Variants in SYN2 observed in about 807,000 individuals in gnomAD.
SYN2 encodes the protein synapsin-2.
SYN2 carries 19 observed loss-of-function variants against 50.9 expected under a neutral mutation model. That is an observed-to-expected ratio of 0.37 (90% CI 0.26 to 0.55). The LOEUF (loss-of-function observed/expected upper bound fraction) is 0.55, where lower values mean the gene tolerates loss of function less well. SYN2 is among the 20% of genes least tolerant of loss of function. The pLI, the probability that SYN2 is intolerant of heterozygous loss-of-function variation, is 0.81. For synonymous variants in SYN2, 255 were observed against 224.9 expected (o/e 1.13, Z -1.20); for missense variants, 587 against 576.4 (o/e 1.02, Z -0.19).
At chr3:12,119,747 C>T (rs1423782773) in intron 1 of SYN2, among the ~76,000 whole-genome samples, 1 of 152,136 alleles carries the variant, frequency 6.6e-6, no homozygotes, top group Non-Finnish European at 1.5e-5. Flanking sequence ...GGAAGCTTTG[C>T]TCCTTAGCTG....
intron 1 of SYN2, among the ~76,000 whole-genome samples, chr3:12,137,333 A>G (rs1169968442): frequency 6.6e-6 from 1 of 151,938 alleles, no homozygotes; most frequent in Non-Finnish European, 1.5e-5. Context: ...TAAGGGAAGT[A>G]GAGTAGTTTT....
At chr3:12,153,568 A>G in intron 5 of SYN2, 2 of 1,614,094 alleles carry the variant, frequency 1.2e-6, no homozygotes, top group Non-Finnish European at 1.7e-6. Context: ...TGGCCCCGGT[A>G]CCAGCTGCAG....
intron 1 of SYN2, among the ~76,000 whole-genome samples, chr3:12,044,551 G>A (rs1449122435): frequency 6.6e-6 from 1 of 152,110 alleles, no homozygotes; most frequent in East Asian, 1.9e-4. Flanking sequence ...ATCTGATGAA[G>A]ACATTTGATG....
At chr3:12,017,065 T>C (rs1313198950) in intron 1 of SYN2, among the ~76,000 whole-genome samples, 1 of 152,066 alleles carries the variant, frequency 6.6e-6, no homozygotes, top group Non-Finnish European at 1.5e-5. Context: ...TGGGTTTTGA[T>C]GGAAGAATGG....
chr3:12,037,959 A>G (rs143782680), intron 1 of SYN2, among the ~76,000 whole-genome samples: 1 of 152,102 alleles, frequency 6.6e-6, no homozygotes, highest in Admixed American at 6.5e-5. Flanking sequence ...TTTTTTGTGT[A>G]TATCTAAAGA....
Position 12,153,756 on chromosome 3 carries a change from T to C in SYN2, c.774+2430T>C, listed in dbSNP as rs746613266. 1.1e-5 allele frequency: 17 copies of C among 1,601,540 alleles called. No homozygotes were observed. The East Asian group carries it at 2.5e-4, about 23-fold the overall frequency. On this transcript the variant is annotated intron_variant, in intron 5 of 12. Coordinates refer to ENST00000621198, the MANE Select transcript of SYN2 (RefSeq NM_133625.6). Reference sequence around the variant, plus strand: ...AACATTAAAGTGAGTAGGGTGTCCTTCTTTTTCCATTGCTGCCTTTCAGAT... The same window carrying C: ...AACATTAAAGTGAGTAGGGTGTCCTCCTTTTTCCATTGCTGCCTTTCAGAT...
rs145384634 is a variant in SYN2, at chr3:12,088,995, C to T, written c.378-51656C>T. 3.2e-3 allele frequency among the ~76,000 whole-genome samples: 486 copies of T among 152,172 alleles called. 1 individual carries two copies. Among genetic ancestry groups the T allele is most frequent in the Admixed American group, 6.7e-3 (102 of 15,290 alleles). On this transcript the variant is annotated intron_variant, in intron 1 of 12. Transcript: ENST00000621198. Reference sequence around the variant, plus strand: ...ACCATAGTTAATGATGTATTGTCTACCTCAAAATTGCTAAAAGAATAGATT... The same window carrying T: ...ACCATAGTTAATGATGTATTGTCTATCTCAAAATTGCTAAAAGAATAGATT...
chr3:12,167,386 C>T (rs1224789708), intron 8 of SYN2, 78 bp downstream of exon 8: 4 of 1,459,792 alleles, frequency 2.7e-6, no homozygotes, highest in Admixed American at 2.0e-5. Flanking sequence ...AGGAATTAAG[C>T]TCTGTCCAAA....
At chr3:12,033,512 C>T (rs1032118821) in intron 1 of SYN2, among the ~76,000 whole-genome samples, 1 of 152,036 alleles carries the variant, frequency 6.6e-6, no homozygotes, top group East Asian at 1.9e-4. Flanking sequence ...TCTCTTTTTT[C>T]CCAAATTGAG....
intron 1 of SYN2, among the ~76,000 whole-genome samples, chr3:12,133,226 A>T (rs1696829667): frequency 1.3e-5 from 2 of 152,260 alleles, no homozygotes; most frequent in South Asian, 4.1e-4. Context: ...ATTAATATCA[A>T]GGACCAGCCA....
intron 1 of SYN2, among the ~76,000 whole-genome samples, chr3:12,138,944 A>C (rs1354796452): frequency 6.6e-6 from 1 of 152,208 alleles, no homozygotes; most frequent in Non-Finnish European, 1.5e-5. Context: ...ACTAGACTCT[A>C]TTAGTTAAAC....
chr3:12,062,257 A>G lies in SYN2; in HGVS notation c.377+57329A>G, dbSNP rs139518784. ...TCAAATGATCTTTGACAAAGGAGCA[A>G]AGAATTAAATGGGGAAAGGACAGTC... On this transcript the variant is annotated intron_variant, in intron 1 of 12. Coordinates refer to ENST00000621198, the MANE Select transcript of SYN2 (RefSeq NM_133625.6). 2.8e-3 allele frequency among the ~76,000 whole-genome samples: 429 copies of G among 152,200 alleles called. 6 individuals are homozygous for G. Among genetic ancestry groups the G allele is most frequent in the African/African-American group, 1.0e-2 (414 of 41,574 alleles).
intron 1 of SYN2, among the ~76,000 whole-genome samples, chr3:12,088,307 A>C (rs1480944932): frequency 6.6e-6 from 1 of 152,236 alleles, no homozygotes; most frequent in African/African-American, 2.4e-5. Flanking sequence ...ATATATGAAT[A>C]AATGCTCAAT....
intron 1 of SYN2, among the ~76,000 whole-genome samples, chr3:12,076,353 A>G (rs1695467412): frequency 1.3e-5 from 2 of 152,108 alleles, no homozygotes; most frequent in African/African-American, 4.8e-5. Flanking sequence ...GTTTTAGTAC[A>G]TAAAGTAATT....
intron 1 of SYN2, among the ~76,000 whole-genome samples, chr3:12,121,864 G>A (rs1173311126): frequency 6.6e-6 from 1 of 152,134 alleles, no homozygotes; most frequent in Non-Finnish European, 1.5e-5. Flanking sequence ...TGGAAACTTG[G>A]GCAAGAGCTG....
At chr3:12,088,706 A>G (rs527750558) in intron 1 of SYN2, among the ~76,000 whole-genome samples, 31 of 152,344 alleles carry the variant, frequency 2.0e-4, no homozygotes, top group African/African-American at 7.0e-4. Flanking sequence ...ACTATACAGC[A>G]TTTACAAAGA....
At chr3:12,187,752 AGTTT>A in intron 12 of SYN2, 140 bp downstream of exon 12, 9 of 1,325,770 alleles carry the variant, frequency 6.8e-6, no homozygotes, top group South Asian at 1.7e-5. Context: ...TTTTTTTGTT[AGTTT>A]GTTTTTGGTT....
chr3:12,035,447 T>C (rs914541343), intron 1 of SYN2, among the ~76,000 whole-genome samples: 1 of 152,228 alleles, frequency 6.6e-6, no homozygotes, highest in Non-Finnish European at 1.5e-5. Flanking sequence ...CATTGAGATT[T>C]GCAGCGAGAG....
At chr3:12,053,676 C>G (rs766410553) in intron 1 of SYN2, among the ~76,000 whole-genome samples, 19 of 151,998 alleles carry the variant, frequency 1.3e-4, no homozygotes, top group South Asian at 2.1e-4. Context: ...ACTTTTCCCC[C>G]CTAGAGTTAA....
Sources: gnomAD v4.1 joint callset for allele counts (sites outside exome capture counted in the v4.1 genomes callset) on GRCh38, gnomAD v4.1.1 for gene constraint, MANE v1.5 for transcripts, NCBI Gene and HGNC (gene_info 2026-07-23, HGNC 2026-07-21) for gene names.